Variants in ATP6V0D1 observed in about 807,000 individuals in gnomAD.
ATP6V0D1 encodes the protein ATPase H+ transporting V0 subunit d1.
In ATP6V0D1, 13 loss-of-function variants were observed where a neutral mutation model predicts 39.0. The ratio of observed to expected loss-of-function variants is 0.33; its 90% CI spans 0.22 to 0.53. ATP6V0D1 has a LOEUF of 0.53. Among genes scored for constraint, ATP6V0D1 ranks in the 20% least tolerant of loss-of-function variants. The pLI is 0.94. For missense variants in ATP6V0D1, 272 were observed against 470.9 expected (o/e 0.58, Z 3.91); for synonymous variants, 191 against 191.2 (o/e 1.00, Z 0.01).
At chr16:67,464,879 C>T (rs2142325826) in intron 1 of ATP6V0D1, among the ~76,000 whole-genome samples, 1 of 152,370 alleles carries the variant, frequency 6.6e-6, no homozygotes, top group Non-Finnish European at 1.5e-5. Context: ...TCCACATATT[C>T]CTTTCCCCTG....
chr16:67,442,659 A>G (rs1423439408), intron 4 of ATP6V0D1, among the ~76,000 whole-genome samples: 1 of 152,010 alleles, frequency 6.6e-6, no homozygotes, highest in East Asian at 1.9e-4. Flanking sequence ...TACGAGGGAC[A>G]TGAGGACCTA....
At chr16:67,446,205 G>A (rs946983364) in intron 2 of ATP6V0D1, among the ~76,000 whole-genome samples, 1 of 152,150 alleles carries the variant, frequency 6.6e-6, no homozygotes, top group African/African-American at 2.4e-5. Flanking sequence ...ACTGGCCACT[G>A]GGGGAGCTCC....
intron 1 of ATP6V0D1, among the ~76,000 whole-genome samples, chr16:67,478,286 G>C (rs967699406): frequency 5.9e-5 from 9 of 152,178 alleles, no homozygotes; most frequent in Non-Finnish European, 1.3e-4. Context: ...AGTGCTGGAG[G>C]GATGGCTTGC....
At position 67,445,869 on chromosome 16, in the gene ATP6V0D1, C is replaced by T. The variant is rs543525399; in HGVS notation, c.303-1163G>A. The T allele has an allele frequency of 1.5e-5, 7 of 453,472 alleles. No homozygotes were observed. In the East Asian group the frequency reaches 4.2e-4, roughly 27 times the overall value. The allele number at this position is 453,472 out of a possible 1,614,324, so 28.1% of individuals were successfully genotyped here. A position where few individuals can be genotyped will look rare whatever the true frequency, so the allele number is the denominator to read the frequency against. ...CATTCCACAGTTAGGCTGCAGTAGCCACAACTATCCTCCAGTCTGTCACCA... is the reference window on the plus strand; with the variant it reads ...CATTCCACAGTTAGGCTGCAGTAGCTACAACTATCCTCCAGTCTGTCACCA... On this transcript the variant is annotated intron_variant, in intron 2 of 7. Coordinates refer to ENST00000290949, the MANE Select transcript of ATP6V0D1 (RefSeq NM_004691.5).
chr16:67,446,434 C>T (rs939467589), intron 2 of ATP6V0D1, among the ~76,000 whole-genome samples: 3 of 152,204 alleles, frequency 2.0e-5, no homozygotes, highest in African/African-American at 7.2e-5. Flanking sequence ...AAGAGACAGT[C>T]CCCTAACTCC....
rs376249881 is a variant in ATP6V0D1, at chr16:67,443,212, G to C, written c.482-34C>G. On this transcript the variant is annotated intron_variant, in intron 3 of 7. Transcript: ENST00000290949. ...GAAACATGGTTTGAGGGGTGGGCAGGTGGCCTAGGCCAGAATCCTGATGTT... is the reference window on the plus strand; with the variant it reads ...GAAACATGGTTTGAGGGGTGGGCAGCTGGCCTAGGCCAGAATCCTGATGTT... 874 of 1,608,676 alleles carry C rather than the reference G, an allele frequency of 5.4e-4. 6 individuals are homozygous for C. Among genetic ancestry groups the C allele is most frequent in the Non-Finnish European group, 9.1e-5 (107 of 1,175,648 alleles).
chr16:67,465,643 G>A (rs777161536), intron 1 of ATP6V0D1, among the ~76,000 whole-genome samples: 22 of 152,218 alleles, frequency 1.4e-4, no homozygotes, highest in Non-Finnish European at 2.8e-4. Context: ...AAATGAGGAC[G>A]GTGTGGTGGG....
chr16:67,475,301 T>C (rs949383270), intron 1 of ATP6V0D1, among the ~76,000 whole-genome samples: 2 of 152,228 alleles, frequency 1.3e-5, no homozygotes, highest in African/African-American at 2.4e-5. Context: ...TCATGTGACA[T>C]TGCGACTGGC....
chr16:67,472,306 T>C (rs536720984), intron 1 of ATP6V0D1, among the ~76,000 whole-genome samples: 14 of 152,322 alleles, frequency 9.2e-5, no homozygotes, highest in African/African-American at 2.4e-4. Context: ...CAACTCAACA[T>C]GCTCATTCCC....
intron 1 of ATP6V0D1, among the ~76,000 whole-genome samples, chr16:67,473,879 C>T (rs995315781): frequency 1.3e-5 from 2 of 152,070 alleles, no homozygotes; most frequent in South Asian, 2.1e-4. Context: ...AGGCTGGTAT[C>T]GAACTGACCT....
chr16:67,472,087 C>T (rs1437967654), intron 1 of ATP6V0D1, among the ~76,000 whole-genome samples: 4 of 152,178 alleles, frequency 2.6e-5, no homozygotes, highest in Non-Finnish European at 4.4e-5. Flanking sequence ...GCCTCCATTC[C>T]TGCTCTGGGG....
chr16:67,449,491 T>C (rs1436320685), intron 2 of ATP6V0D1, among the ~76,000 whole-genome samples: 1 of 152,154 alleles, frequency 6.6e-6, no homozygotes, highest in East Asian at 1.9e-4. Context: ...CATAACAACA[T>C]GTTAGTGGCA....
At chr16:67,460,995 G>A (rs2041285148) in intron 1 of ATP6V0D1, among the ~76,000 whole-genome samples, 1 of 152,218 alleles carries the variant, frequency 6.6e-6, no homozygotes, top group African/African-American at 2.4e-5. Context: ...CCAGGTAACA[G>A]GTTCTGCAGT....
Position 67,468,035 on chromosome 16 carries a change from C to T in ATP6V0D1, c.130+12922G>A, listed in dbSNP as rs550660526. ...CTGTTCCATCTCATTCCAAGTCTAACAGCCGTTAATGCAGGAGAGACTCTG... is the reference window on the plus strand; with the variant it reads ...CTGTTCCATCTCATTCCAAGTCTAATAGCCGTTAATGCAGGAGAGACTCTG... On this transcript the variant is annotated intron_variant, in intron 1 of 7. Transcript: ENST00000290949. 1.1e-4 allele frequency among the ~76,000 whole-genome samples: 17 copies of T among 152,328 alleles called. 1 individual carries two copies. The South Asian group carries it at 3.5e-3, about 32-fold the overall frequency.
intron 1 of ATP6V0D1, among the ~76,000 whole-genome samples, chr16:67,476,876 AAG>A (rs973086648): frequency 1.3e-5 from 2 of 151,984 alleles, no homozygotes; most frequent in African/African-American, 4.8e-5. Flanking sequence ...TCTCTACTAA[AAG>A]TACCAAAAAA....
intron 1 of ATP6V0D1, among the ~76,000 whole-genome samples, chr16:67,463,389 G>A (rs1206741812): frequency 1.3e-5 from 2 of 152,160 alleles, no homozygotes; most frequent in East Asian, 3.9e-4. Context: ...AGATTAGCCA[G>A]ATGTGGCAGC....
Position 67,456,313 on chromosome 16 carries a change from G to C in ATP6V0D1, c.131-2598C>G, listed in dbSNP as rs571782007. On this transcript the variant is annotated intron_variant, in intron 1 of 7. Coordinates refer to ENST00000290949, the MANE Select transcript of ATP6V0D1 (RefSeq NM_004691.5). The surrounding 1 kb of genome is among the most constrained non-coding windows in gnomAD (Gnocchi z 4.1). ...GTGCAAGTCTTTTTAAGAGAAACAT[G>C]GTTTATTTGTACAAAACTGAGAGAT... 1 of 152,080 alleles carries C rather than the reference G, an allele frequency of 6.6e-6. No homozygotes were observed. Among genetic ancestry groups the C allele is most frequent in the African/African-American group, 2.4e-5 (1 of 41,400 alleles). The allele number at this position is 152,080 out of a possible 1,614,324, so 9.4% of individuals were successfully genotyped here.
chr16:67,463,993 C>T (rs2041309776), intron 1 of ATP6V0D1, among the ~76,000 whole-genome samples: 1 of 152,214 alleles, frequency 6.6e-6, no homozygotes, highest in Non-Finnish European at 1.5e-5. Context: ...GGTGACATTC[C>T]AGGACCCTGT....
chr16:67,440,313 A>T (rs2041035061), intron 4 of ATP6V0D1: 1 of 152,276 alleles, frequency 6.6e-6, no homozygotes, highest in East Asian at 1.9e-4. Flanking sequence ...GGCAAATTGG[A>T]TCTGCTGGGC....
Sources: allele counts gnomAD v4.1 joint callset (sites outside exome capture counted in the v4.1 genomes callset), GRCh38; gene constraint gnomAD v4.1.1; non-coding constraint Gnocchi (gnomAD v3.1); transcripts MANE v1.5; gene names NCBI Gene and HGNC (gene_info 2026-07-23, HGNC 2026-07-21).